The following FOXN3 variants were observed in gnomAD, a reference collection of about 807,000 sequenced individuals.
The protein encoded by FOXN3 is forkhead box protein N3.
In FOXN3, 7 loss-of-function variants were observed where a neutral mutation model predicts 38.4. The observed-to-expected ratio is 0.18, with a 90% CI of 0.10 to 0.34. The LOEUF is 0.34. FOXN3 is among the 10% of genes least tolerant of loss of function. The probability of loss-of-function intolerance (pLI) is 1.00; values close to 1 mark genes in which losing one functional copy is unlikely to be tolerated. For synonymous variants in FOXN3, 230 were observed against 242.2 expected, an observed-to-expected ratio of 0.95 and a Z score of 0.47; for missense variants, 456 against 613.4, an observed-to-expected ratio of 0.74 and a Z score of 2.71.
intron 1 of FOXN3, among the ~76,000 whole-genome samples, chr14:89,425,504 A>G (rs1892007915): frequency 6.7e-6 from 1 of 149,222 alleles, no homozygotes; most frequent in Non-Finnish European, 1.5e-5. Flanking sequence ...AGTAGCTGGG[A>G]TTACAGGCTT....
intron 1 of FOXN3, among the ~76,000 whole-genome samples, chr14:89,565,936 A>G (rs1455451300): frequency 6.6e-6 from 1 of 152,246 alleles, no homozygotes; most frequent in South Asian, 2.1e-4. Context: ...CTAACCTGCT[A>G]GTGTCAAGGT....
intron 1 of FOXN3, among the ~76,000 whole-genome samples, chr14:89,588,402 G>T (rs183996216): frequency 6.6e-6 from 1 of 152,148 alleles, no homozygotes; most frequent in Non-Finnish European, 1.5e-5. Context: ...CCCAGGAATC[G>T]TGACTTGGGT....
chr14:89,216,480 A>G (rs1162967722), intron 4 of FOXN3, among the ~76,000 whole-genome samples: 1 of 151,862 alleles, frequency 6.6e-6, no homozygotes, highest in East Asian at 1.9e-4. Context: ...TAGTGCCAGA[A>G]CCTCTGGAAC....
chr14:89,457,273 G>A (rs1458840898), intron 1 of FOXN3, among the ~76,000 whole-genome samples: 6 of 152,192 alleles, frequency 3.9e-5, no homozygotes, highest in Non-Finnish European at 7.3e-5. Flanking sequence ...GCAGAAAGAC[G>A]CGAAGACCAG....
chr14:89,222,909 G>A (rs1293928389), intron 4 of FOXN3, among the ~76,000 whole-genome samples: 1 of 152,132 alleles, frequency 6.6e-6, no homozygotes, highest in Non-Finnish European at 1.5e-5. Flanking sequence ...TGTTTCTGTA[G>A]GATAAGAAAC....
intron 2 of FOXN3, among the ~76,000 whole-genome samples, chr14:89,410,289 T>TA (rs1181212503): frequency 6.6e-6 from 1 of 152,046 alleles, no homozygotes; most frequent in Admixed American, 6.6e-5. Context: ...AGAAAGAAAT[T>TA]GAAGGCCCCA....
chr14:89,270,845 T>A (rs28416219), intron 4 of FOXN3, among the ~76,000 whole-genome samples: 14,276 of 152,246 alleles, frequency 0.094, 775 homozygotes, highest in African/African-American at 0.15. Flanking sequence ...AGGTGTGGAA[T>A]GGACTCAAGT....
chr14:89,173,277 A>G (rs1209687914), intron 5 of FOXN3, among the ~76,000 whole-genome samples: 1 of 152,258 alleles, frequency 6.6e-6, no homozygotes, highest in Non-Finnish European at 1.5e-5. Flanking sequence ...CGTACCTACC[A>G]GATTGGTTGA....
upstream of FOXN3, among the ~76,000 whole-genome samples, chr14:89,418,084 C>A (rs1891803086): frequency 6.6e-6 from 1 of 152,216 alleles, no homozygotes; most frequent in Non-Finnish European, 1.5e-5. Flanking sequence ...TAAAGCCACA[C>A]CAACCAGCCG....
chr14:89,341,397 C>T (rs1016678726), intron 3 of FOXN3, among the ~76,000 whole-genome samples: 4 of 152,196 alleles, frequency 2.6e-5, no homozygotes, highest in Admixed American at 1.3e-4. Context: ...GTTACACATT[C>T]CCTGTTCTTC....
At chr14:89,277,502 G>A (rs1269402878) in intron 4 of FOXN3, among the ~76,000 whole-genome samples, 4 of 152,160 alleles carry the variant, frequency 2.6e-5, no homozygotes, top group Non-Finnish European at 5.9e-5. Context: ...ATTATGTTAA[G>A]TACCCATGCC....
At chr14:89,520,112 C>A (rs1245553787) in intron 1 of FOXN3, among the ~76,000 whole-genome samples, 1 of 150,854 alleles carries the variant, frequency 6.6e-6, no homozygotes, top group African/African-American at 2.4e-5. Context: ...CTCCTAGGCT[C>A]AAGCGATCCT....
chr14:89,230,008 C>T (rs1477037389), intron 4 of FOXN3, among the ~76,000 whole-genome samples: 1 of 152,126 alleles, frequency 6.6e-6, no homozygotes, highest in Non-Finnish European at 1.5e-5. Context: ...GGTACAACAC[C>T]ACTGATCAAT....
intron 1 of FOXN3, among the ~76,000 whole-genome samples, chr14:89,487,989 C>T (rs879698841): frequency 1.3e-5 from 2 of 151,808 alleles, no homozygotes; most frequent in Non-Finnish European, 2.9e-5. Flanking sequence ...TTCGGGGGCA[C>T]GGGGTAACCA....
At chr14:89,333,992 A>C (rs369254471) in intron 3 of FOXN3, among the ~76,000 whole-genome samples, 910 of 44,220 alleles carry the variant, frequency 0.021, 21 homozygotes, top group African/African-American at 0.053. Flanking sequence ...ATATATATAT[A>C]TATATATATA....
At chr14:89,199,905 G>A (rs1174099440) in intron 4 of FOXN3, among the ~76,000 whole-genome samples, 1 of 151,540 alleles carries the variant, frequency 6.6e-6, no homozygotes, top group African/African-American at 2.4e-5. Context: ...CTCCATCTCA[G>A]ACAACAACAA....
rs1013867097 is a variant in FOXN3, at chr14:89,412,829, A to C, written c.-14-339T>G. 2.6e-5 allele frequency among the ~76,000 whole-genome samples: 4 copies of C among 152,026 alleles called. No homozygotes were observed. The highest frequency in any genetic ancestry group is 9.7e-5 in the African/African-American group (4 of 41,368). On this transcript the variant is annotated intron_variant, in intron 1 of 5. Transcript: ENST00000557258. This position sits in a 1 kb window ranked among gnomAD's most constrained non-coding sequence, Gnocchi z 4.7. ...CGGGACGATTGCTTGAGACCAGGAGACCAGTTTTAAAGTACGTTAAATTTT... is the reference window on the plus strand; with the variant it reads ...CGGGACGATTGCTTGAGACCAGGAGCCCAGTTTTAAAGTACGTTAAATTTT...
intron 1 of FOXN3, among the ~76,000 whole-genome samples, chr14:89,508,181 A>G (rs1386690912): frequency 6.6e-6 from 1 of 152,174 alleles, no homozygotes; most frequent in African/African-American, 2.4e-5. Context: ...AGCCTTCCGC[A>G]TCTGGAACCA....
At chr14:89,326,901 T>C (rs1385435696) in intron 3 of FOXN3, among the ~76,000 whole-genome samples, 1 of 152,202 alleles carries the variant, frequency 6.6e-6, no homozygotes, top group East Asian at 1.9e-4. Context: ...CAACTATTTA[T>C]TGAGTGCTTC....
Sources: gnomAD v4.1 joint callset for allele counts (sites outside exome capture counted in the v4.1 genomes callset) on GRCh38, gnomAD v4.1.1 for gene constraint, Gnocchi (gnomAD v3.1) non-coding constraint, MANE v1.5 for transcripts, NCBI Gene and HGNC (gene_info 2026-07-23, HGNC 2026-07-21) for gene names.